Variants in NAALADL2 observed in about 807,000 individuals in gnomAD.
NAALADL2 encodes the protein N-acetylated alpha-linked acidic dipeptidase like 2, also known as inactive N-acetylated-alpha-linked acidic dipeptidase-like protein 2.
NAALADL2 carries 76 observed loss-of-function variants against 87.2 expected under a neutral mutation model. That is an observed-to-expected ratio of 0.87 (90% CI 0.72 to 1.05). The LOEUF (loss-of-function observed/expected upper bound fraction) is 1.05. Among genes scored for constraint, NAALADL2 ranks in the 50% least tolerant of loss-of-function variants. NAALADL2 has a pLI of 0.00. For missense variants in NAALADL2, 1,089 were observed against 945.8 expected, an observed-to-expected ratio of 1.15 and a Z score of -1.99; for synonymous variants, 354 against 331.0, an observed-to-expected ratio of 1.07 and a Z score of -0.75.
At chr3:175,327,563 A>G (rs1760889498) in intron 5 of NAALADL2, among the ~76,000 whole-genome samples, 1 of 152,154 alleles carries the variant, frequency 6.6e-6, no homozygotes. Context: ...ACACATACGT[A>G]TAGGAGAAAT....
chr3:175,062,056 A>C (rs1713608175), intron 1 of NAALADL2, among the ~76,000 whole-genome samples: 1 of 151,956 alleles, frequency 6.6e-6, no homozygotes, highest in Non-Finnish European at 1.5e-5. Context: ...TCTTTTATTT[A>C]ACATGAACAA....
chr3:175,137,426 A>G (rs1192542772), intron 2 of NAALADL2, among the ~76,000 whole-genome samples: 2 of 152,154 alleles, frequency 1.3e-5, no homozygotes, highest in Non-Finnish European at 2.9e-5. Flanking sequence ...GCTATACTAT[A>G]AAATGACATG....
At chr3:175,023,749 C>G (rs1751866318) in intron 1 of NAALADL2, among the ~76,000 whole-genome samples, 1 of 152,110 alleles carries the variant, frequency 6.6e-6, no homozygotes, top group South Asian at 2.1e-4. Flanking sequence ...AGAGACCAAT[C>G]TCCTATAGAC....
At chr3:174,803,087 T>A (rs533413538) in intron 3 of NAALADL2, among the ~76,000 whole-genome samples, 6 of 152,270 alleles carry the variant, frequency 3.9e-5, no homozygotes, top group African/African-American at 1.4e-4. Context: ...TACTTTACGC[T>A]CCCACCAACA....
At chr3:175,323,778 G>A (rs976844923) in intron 4 of NAALADL2, among the ~76,000 whole-genome samples, 4 of 151,876 alleles carry the variant, frequency 2.6e-5, no homozygotes, top group Non-Finnish European at 4.4e-5. Context: ...AGCAGTTTGG[G>A]AGGCCGAGGT....
chr3:174,920,366 C>T (rs1200499849), intron 1 of NAALADL2, among the ~76,000 whole-genome samples: 1 of 152,218 alleles, frequency 6.6e-6, no homozygotes, highest in Non-Finnish European at 1.5e-5. Context: ...TAACTTACTG[C>T]AGCTTCTACA....
intron 5 of NAALADL2, among the ~76,000 whole-genome samples, chr3:175,370,823 G>A (rs114227227): frequency 0.017 from 2,594 of 152,176 alleles, 78 homozygotes; most frequent in African/African-American, 0.06. Context: ...TCAATAAAAG[G>A]GTAATGGAAG....
intron 4 of NAALADL2, among the ~76,000 whole-genome samples, chr3:175,295,198 G>A (rs1475952781): frequency 6.6e-6 from 1 of 152,138 alleles, no homozygotes; most frequent in Non-Finnish European, 1.5e-5. Context: ...ATTATGTGCA[G>A]GCCCTGTATG....
chr3:174,819,086 T>TTTTTTTTA (rs1721133810), intron 3 of NAALADL2, among the ~76,000 whole-genome samples: 1 of 120,446 alleles, frequency 8.3e-6, no homozygotes, highest in Non-Finnish European at 1.7e-5. Flanking sequence ...TTTTTTTTTT[T>TTTTTTTTA]GGAGACAGGA....
At chr3:174,696,068 G>A (rs184641550) in intron 2 of NAALADL2, among the ~76,000 whole-genome samples, 4 of 152,106 alleles carry the variant, frequency 2.6e-5, no homozygotes, top group African/African-American at 7.2e-5. Context: ...ACCCAATCCC[G>A]ATAATCACAT....
intron 5 of NAALADL2, among the ~76,000 whole-genome samples, chr3:175,428,421 G>A (rs1489053395): frequency 1.3e-5 from 2 of 152,092 alleles, no homozygotes; most frequent in Non-Finnish European, 2.9e-5. Flanking sequence ...ACCTACTCCT[G>A]TTTGTTGTCC....
intron 3 of NAALADL2, among the ~76,000 whole-genome samples, chr3:174,821,464 C>T (rs1258711233): frequency 6.6e-6 from 1 of 152,088 alleles, no homozygotes; most frequent in South Asian, 2.1e-4. Context: ...TTCAAAGAGA[C>T]TAGAGGAGTT....
At chr3:175,300,753 A>T (rs1030394570) in intron 4 of NAALADL2, among the ~76,000 whole-genome samples, 44 of 140,322 alleles carry the variant, frequency 3.1e-4, no homozygotes, top group African/African-American at 8.6e-4. Context: ...TTATTTATTT[A>T]TTTTTATTTA....
chr3:175,019,275 A>G (rs1487720028), intron 1 of NAALADL2, among the ~76,000 whole-genome samples: 1 of 152,038 alleles, frequency 6.6e-6, no homozygotes, highest in African/African-American at 2.4e-5. Flanking sequence ...TATACCTGGT[A>G]AGCCCCTCAA....
chr3:175,465,652 T>C (rs1166982162), intron 7 of NAALADL2, among the ~76,000 whole-genome samples: 1 of 152,010 alleles, frequency 6.6e-6, no homozygotes, highest in African/African-American at 2.4e-5. Flanking sequence ...TTTGTATTTT[T>C]AGTAGAGACG....
At chr3:175,396,241 T>A (rs1467375690) in intron 5 of NAALADL2, among the ~76,000 whole-genome samples, 2 of 152,182 alleles carry the variant, frequency 1.3e-5, no homozygotes, top group South Asian at 2.1e-4. Context: ...ATGAGCTTCA[T>A]ACAAAGTAGT....
At chr3:174,739,625 A>T (rs1733570578) in intron 3 of NAALADL2, among the ~76,000 whole-genome samples, 1 of 152,084 alleles carries the variant, frequency 6.6e-6, no homozygotes, top group African/African-American at 2.4e-5. Context: ...TCCATGTGTT[A>T]GTAGAAGCTG....
intron 9 of NAALADL2, among the ~76,000 whole-genome samples, chr3:175,483,778 TG>T (rs1726853140): frequency 6.6e-6 from 1 of 152,130 alleles, no homozygotes; most frequent in Non-Finnish European, 1.5e-5. Context: ...GACATTTCAC[TG>T]AGAAGAATAG....
chr3:174,931,882 C>G (rs1210746230), intron 1 of NAALADL2, among the ~76,000 whole-genome samples: 1 of 152,138 alleles, frequency 6.6e-6, no homozygotes, highest in Non-Finnish European at 1.5e-5. Flanking sequence ...TGCATGATGG[C>G]TTGGTATCTG....
Sources: allele counts gnomAD v4.1 joint callset (sites outside exome capture counted in the v4.1 genomes callset), GRCh38; gene constraint gnomAD v4.1.1; transcripts MANE v1.5; gene names NCBI Gene and HGNC (gene_info 2026-07-23, HGNC 2026-07-21).